ZMIZ1: variants seen among roughly 807,000 people sequenced by gnomAD.
The protein encoded by ZMIZ1 is zinc finger MIZ domain-containing protein 1.
ZMIZ1 carries 17 observed loss-of-function variants against 113.9 expected under a neutral mutation model. The ratio of observed to expected loss-of-function variants is 0.15; its 90% confidence interval spans 0.10 to 0.22. ZMIZ1 has a LOEUF of 0.22. ZMIZ1 is among the 10% of genes least tolerant of loss of function. The pLI is 1.00. For missense variants in ZMIZ1, 1,059 were observed against 1,477.8 expected (o/e 0.72, Z 4.65); for synonymous variants, 607 against 603.1 (o/e 1.01, Z -0.09).
intron 7 of ZMIZ1, among the ~76,000 whole-genome samples, chr10:79,265,022 A>G (rs1001013235): frequency 2.0e-5 from 3 of 152,084 alleles, no homozygotes; most frequent in Admixed American, 6.5e-5. Context: ...TGGGTGAGGC[A>G]TGGCCAAACC....
chr10:79,278,094 G>A (rs1483831196), intron 8 of ZMIZ1, among the ~76,000 whole-genome samples: 1 of 152,216 alleles, frequency 6.6e-6, no homozygotes, highest in Non-Finnish European at 1.5e-5. Flanking sequence ...GACCTGGGTC[G>A]CACCATCGAG....
At chr10:79,134,830 A>C (rs1204033090) in intron 2 of ZMIZ1, among the ~76,000 whole-genome samples, 2 of 152,176 alleles carry the variant, frequency 1.3e-5, no homozygotes, top group African/African-American at 4.8e-5. Context: ...TAAATAATTA[A>C]ATAGTTTTTT....
intron 1 of ZMIZ1, among the ~76,000 whole-genome samples, chr10:79,074,485 G>A (rs1452058884): frequency 6.6e-6 from 1 of 152,176 alleles, no homozygotes; most frequent in Non-Finnish European, 1.5e-5. Flanking sequence ...AGCTTGCTTC[G>A]AGACACAAAT....
intron 1 of ZMIZ1, among the ~76,000 whole-genome samples, chr10:79,079,397 G>C (rs1451141265): frequency 1.3e-5 from 2 of 152,276 alleles, no homozygotes; most frequent in Non-Finnish European, 2.9e-5. Flanking sequence ...CCTGGAAACA[G>C]TGTCGAAACT....
chr10:79,272,697 T>C (rs922563418), intron 7 of ZMIZ1, among the ~76,000 whole-genome samples: 5 of 152,200 alleles, frequency 3.3e-5, no homozygotes, highest in African/African-American at 9.7e-5. Context: ...TAGGTTAGAA[T>C]GGATCGAGGT....
chr10:79,124,604 C>G (rs975306185), intron 2 of ZMIZ1, among the ~76,000 whole-genome samples: 1 of 152,216 alleles, frequency 6.6e-6, no homozygotes, highest in Admixed American at 6.5e-5. Flanking sequence ...GAGCACAGCT[C>G]CAGGTCCGGA....
chr10:79,094,336 C>A (rs1260643505), intron 1 of ZMIZ1, among the ~76,000 whole-genome samples: 1 of 147,512 alleles, frequency 6.8e-6, no homozygotes, highest in Non-Finnish European at 1.5e-5. Flanking sequence ...CTCCCTGCAA[C>A]CCGGAGGGAG....
In ZMIZ1 at chr10:79,069,890, G is replaced by C. The variant is rs1431820888; in HGVS notation, c.-337+620G>C. Among the ~76,000 whole-genome samples the C allele has an allele frequency of 6.6e-6, 1 of 151,764 alleles. No individual in the cohort carries two copies. On this transcript the variant is annotated intron_variant, in intron 1 of 24. Coordinates refer to ENST00000334512, the MANE Select transcript of ZMIZ1 (RefSeq NM_020338.4). This position sits in a 1 kb window ranked among gnomAD's most constrained non-coding sequence, Gnocchi z 4.6. ...CTGGCGCGCGGTACAAACGAGAAAC[G>C]CGGAGGTGTGTGTGCAGGGTTTTCT...
chr10:79,092,024 T>G (rs1270092520), intron 1 of ZMIZ1, among the ~76,000 whole-genome samples: 1 of 152,118 alleles, frequency 6.6e-6, no homozygotes, highest in Non-Finnish European at 1.5e-5. Context: ...GGGGCAGGGC[T>G]TAGGGGCTGG....
rs1855356734 is a variant in ZMIZ1 at position 79,313,774 on chromosome 10, CCCTCTCCTGCCA to C, written c.*1033_*1044del. On this transcript the variant is annotated 3_prime_UTR_variant, in exon 25 of 25. Transcript: ENST00000334512. ...CCGTCTGTTCTGTTTTTCTCCTAGT[CCCTCTCCTGCCA>C]CCTCTCCAAGACTTCCGTGGGACAC... is the stretch of plus-strand genomic sequence containing the variant. 1 of 336,230 alleles carries C rather than the reference CCCTCTCCTGCCA, an allele frequency of 3.0e-6. No homozygotes were observed. Among genetic ancestry groups the C allele is most frequent in the East Asian group, 7.8e-5 (1 of 12,826 alleles). 20.8% of individuals were successfully genotyped at this position (336,230 alleles called of 1,614,324 possible).
At chr10:79,090,627 T>G (rs919307827) in intron 1 of ZMIZ1, among the ~76,000 whole-genome samples, 1 of 152,032 alleles carries the variant, frequency 6.6e-6, no homozygotes, top group Non-Finnish European at 1.5e-5. Flanking sequence ...ATGTTGAGAG[T>G]TGCAGATAGT....
rs1045017393 is a variant in ZMIZ1, at chr10:79,313,731, C to G, written c.*982C>G. On this transcript the variant is annotated 3_prime_UTR_variant, in exon 25 of 25. Coordinates refer to ENST00000334512, the MANE Select transcript of ZMIZ1 (RefSeq NM_020338.4). ...GAAAAGGAACGTTGCTCTTGGACAG[C>G]AAGCAAACCATTTCTCTCCGTCTGT... 2.7e-5 allele frequency: 8 copies of G among 299,076 alleles called. No individual in the cohort carries two copies. Among genetic ancestry groups the G allele is most frequent in the African/African-American group, 1.7e-4 (8 of 45,746 alleles). The allele number at this position is 299,076 out of a possible 1,614,324, so 18.5% of individuals were successfully genotyped here.
At chr10:79,215,507 C>G (rs1206961828) in intron 6 of ZMIZ1, among the ~76,000 whole-genome samples, 1 of 152,142 alleles carries the variant, frequency 6.6e-6, no homozygotes. Flanking sequence ...CCATGTTGCC[C>G]AGGCTGGTCT....
chr10:79,146,184 C>A (rs1430599258), intron 3 of ZMIZ1, among the ~76,000 whole-genome samples: 1 of 152,172 alleles, frequency 6.6e-6, no homozygotes, highest in Non-Finnish European at 1.5e-5. Flanking sequence ...CACTCTCCAC[C>A]CCTCAGCCTT....
At chr10:79,210,796 G>T (rs1848499385) in intron 6 of ZMIZ1, among the ~76,000 whole-genome samples, 1 of 152,206 alleles carries the variant, frequency 6.6e-6, no homozygotes, top group South Asian at 2.1e-4. Flanking sequence ...AGAGTGATGG[G>T]CTATGATTTG....
chr10:79,275,388 A>G (rs1042863010), intron 7 of ZMIZ1, among the ~76,000 whole-genome samples: 1 of 152,210 alleles, frequency 6.6e-6, no homozygotes, highest in Non-Finnish European at 1.5e-5. Context: ...AGGGAGAAAC[A>G]GGGCCCCTCT....
chr10:79,231,469 C>G (rs1290494606), intron 7 of ZMIZ1, among the ~76,000 whole-genome samples: 1 of 152,148 alleles, frequency 6.6e-6, no homozygotes, highest in African/African-American at 2.4e-5. Flanking sequence ...GTCTTGAACT[C>G]CTGAACTCAG....
intron 4 of ZMIZ1, among the ~76,000 whole-genome samples, chr10:79,183,703 C>T (rs1589390074): frequency 6.6e-6 from 1 of 152,184 alleles, no homozygotes; most frequent in Non-Finnish European, 1.5e-5. Flanking sequence ...CCCATCTGTG[C>T]AAAGGAGCTA....
chr10:79,239,320 C>T (rs1380544431), intron 7 of ZMIZ1, among the ~76,000 whole-genome samples: 1 of 148,780 alleles, frequency 6.7e-6, no homozygotes, highest in East Asian at 1.9e-4. Flanking sequence ...GTTGAATGCC[C>T]ACTCTATGCT....
Sources: allele counts gnomAD v4.1 joint callset (sites outside exome capture counted in the v4.1 genomes callset), GRCh38; gene constraint gnomAD v4.1.1; non-coding constraint Gnocchi (gnomAD v3.1); transcripts MANE v1.5; gene names NCBI Gene and HGNC (gene_info 2026-07-23, HGNC 2026-07-21).